The following AKT3 variants were observed in gnomAD, a reference collection of about 807,000 sequenced individuals.
AKT3 encodes the protein AKT serine/threonine kinase 3.
AKT3 carries 15 observed loss-of-function variants against 65.3 expected under a neutral mutation model. That is an observed-to-expected ratio of 0.23 (90% confidence interval 0.15 to 0.35). The LOEUF (loss-of-function observed/expected upper bound fraction) is 0.35. Ranked by LOEUF, AKT3 falls within the 10% of genes least tolerant of loss-of-function variation. AKT3 has a pLI of 1.00. For missense variants in AKT3, 243 were observed against 576.5 expected (o/e 0.42, Z 5.92); for synonymous variants, 206 against 183.8 (o/e 1.12, Z -0.98).
chr1:243,776,582 G>A lies in AKT3; in HGVS notation c.46+66543C>T, dbSNP rs370492001. Among the ~76,000 whole-genome samples, 29 of 152,304 alleles carry A rather than the reference G, an allele frequency of 1.9e-4. No individual in the cohort carries two copies. The East Asian group carries it at 5.6e-3, about 29-fold the overall frequency. On this transcript the variant is annotated intron_variant, in intron 2 of 13. Transcript: ENST00000673466. ...TCTCAAACATCCAGCCTCCAGAACT[G>A]TGAGAAAACACCTAGACTATGAAAT... is the stretch of plus-strand genomic sequence containing the variant.
chr1:243,843,644 T>C (rs947595126), intron 1 of AKT3: 25 of 915,486 alleles, frequency 2.7e-5, no homozygotes, highest in African/African-American at 7.2e-5. Flanking sequence ...CAGAAGCAAT[T>C]GTAAATTTTT....
chr1:243,818,012 G>A (rs1693628793), intron 2 of AKT3: 1 of 152,112 alleles, frequency 6.6e-6, no homozygotes, highest in Non-Finnish European at 1.5e-5. Flanking sequence ...CTCATTCTTT[G>A]CTTCATTCAT....
intron 9 of AKT3, among the ~76,000 whole-genome samples, chr1:243,567,139 T>C (rs1443042386): frequency 6.6e-6 from 1 of 152,004 alleles, no homozygotes; most frequent in Non-Finnish European, 1.5e-5. Context: ...AGATTAGCTG[T>C]GCGTGGTGGT....
downstream of AKT3, among the ~76,000 whole-genome samples, chr1:243,498,740 A>AAATT (rs1668697977): frequency 6.6e-6 from 1 of 152,354 alleles, no homozygotes; most frequent in East Asian, 1.9e-4. Context: ...ATGATGGCTT[A>AAATT]AATTAGGTTG....
intron 10 of AKT3, among the ~76,000 whole-genome samples, chr1:243,562,999 A>G (rs1297655431): frequency 6.6e-6 from 1 of 152,182 alleles, no homozygotes; most frequent in Admixed American, 6.6e-5. Flanking sequence ...CCACACCCTT[A>G]CATTTAATCT....
At chr1:243,605,497 G>A (rs1221104728) in intron 8 of AKT3, among the ~76,000 whole-genome samples, 1 of 152,088 alleles carries the variant, frequency 6.6e-6, no homozygotes, top group Admixed American at 6.6e-5. Flanking sequence ...TCATCCTAAG[G>A]TCACTCTGTA....
At chr1:243,515,527 G>A (rs180912038) in intron 12 of AKT3, among the ~76,000 whole-genome samples, 2 of 152,140 alleles carry the variant, frequency 1.3e-5, no homozygotes, top group South Asian at 4.2e-4. Context: ...TCTGTTAATA[G>A]GTGAACTATA....
intron 2 of AKT3, among the ~76,000 whole-genome samples, chr1:243,752,749 A>G (rs1422908506): frequency 6.6e-6 from 1 of 152,218 alleles, no homozygotes; most frequent in Non-Finnish European, 1.5e-5. Flanking sequence ...GAACAATTAT[A>G]TAAATAGTTA....
At chr1:243,677,147 T>A (rs1683578770) in intron 3 of AKT3, among the ~76,000 whole-genome samples, 2 of 152,220 alleles carry the variant, frequency 1.3e-5, no homozygotes, top group Non-Finnish European at 1.5e-5. Flanking sequence ...ATCTGATTAT[T>A]ATTAACTTCA....
rs78160340 is a variant in AKT3, at chr1:243,553,773, C to A, written c.949-830G>T. Among the ~76,000 whole-genome samples the A allele has an allele frequency of 9.8e-3, 1,498 of 152,210 alleles. 28 individuals are homozygous for A. The highest frequency in any genetic ancestry group is 0.035 in the African/African-American group (1,445 of 41,528). ...TTCAAATGGTAACATGGTAACCTACCATTTGCCCCAGGAAAAATTTGGTTT... is the reference window on the plus strand; with the variant it reads ...TTCAAATGGTAACATGGTAACCTACAATTTGCCCCAGGAAAAATTTGGTTT... On this transcript the variant is annotated intron_variant, in intron 10 of 13. Transcript: ENST00000673466.
chr1:243,676,029 T>A (rs1286148206), intron 3 of AKT3, among the ~76,000 whole-genome samples: 2 of 152,190 alleles, frequency 1.3e-5, no homozygotes, highest in Non-Finnish European at 2.9e-5. Flanking sequence ...GTGCCTATTT[T>A]CCATAAAGCT....
At chr1:243,633,277 A>C (rs74153928) in intron 6 of AKT3, among the ~76,000 whole-genome samples, 1,534 of 152,326 alleles carry the variant, frequency 0.01, 19 homozygotes, top group African/African-American at 0.035. Flanking sequence ...TTCAGGTTTA[A>C]ATATAAGGAC....
At chr1:243,602,422 G>T (rs951951689) in intron 8 of AKT3, among the ~76,000 whole-genome samples, 1 of 151,994 alleles carries the variant, frequency 6.6e-6, no homozygotes, top group African/African-American at 2.4e-5. Context: ...TGACAATAAA[G>T]ATGTTTATAT....
intron 4 of AKT3, among the ~76,000 whole-genome samples, chr1:243,649,682 T>A (rs1200615614): frequency 6.6e-6 from 1 of 152,012 alleles, no homozygotes; most frequent in Non-Finnish European, 1.5e-5. Flanking sequence ...TCTATTCTTG[T>A]GATAGTTGGT....
At chr1:243,850,868 T>C (rs1695755881), upstream of AKT3, among the ~76,000 whole-genome samples, 1 of 151,904 alleles carries the variant, frequency 6.6e-6, no homozygotes, top group African/African-American at 2.4e-5. Context: ...GGTTTCCCCC[T>C]CGCCCGCGTG....
At chr1:243,597,669 T>G (rs1676720277) in intron 8 of AKT3, among the ~76,000 whole-genome samples, 1 of 152,138 alleles carries the variant, frequency 6.6e-6, no homozygotes, top group African/African-American at 2.4e-5. Flanking sequence ...CCTGGCTAAT[T>G]TTTAACTATT....
chr1:243,568,712 A>G lies in AKT3; in HGVS notation c.819+4214T>C, dbSNP rs567172074. Among the ~76,000 whole-genome samples, 6 of 152,326 alleles carry G rather than the reference A, an allele frequency of 3.9e-5. No individual in the cohort carries two copies. The East Asian group carries it at 7.7e-4, about 20-fold the overall frequency. On this transcript the variant is annotated intron_variant, in intron 9 of 13. Transcript: ENST00000673466. ...GCTGTCTTTAATACAATGCTTCCCA[A>G]CCTTTTACATTTCACAGTAAAATAA...
At chr1:243,649,350 T>G (rs1386066539) in intron 4 of AKT3, among the ~76,000 whole-genome samples, 1 of 149,916 alleles carries the variant, frequency 6.7e-6, no homozygotes, top group East Asian at 1.9e-4. Context: ...TGTGTGTGTG[T>G]GTGTGTGTAT....
chr1:243,722,085 A>C (rs554525261), intron 2 of AKT3, among the ~76,000 whole-genome samples: 1 of 152,218 alleles, frequency 6.6e-6, no homozygotes, highest in Non-Finnish European at 1.5e-5. Flanking sequence ...TCAGTTTTAC[A>C]GTCATTAAAA....
Sources: allele counts gnomAD v4.1 joint callset (sites outside exome capture counted in the v4.1 genomes callset), GRCh38; gene constraint gnomAD v4.1.1; transcripts MANE v1.5; gene names NCBI Gene and HGNC (gene_info 2026-07-23, HGNC 2026-07-21).